The following DNASE1 variants were observed in gnomAD, a reference collection of about 807,000 sequenced individuals.
DNASE1 encodes deoxyribonuclease-1.
In DNASE1, 40 loss-of-function variants were observed where a neutral mutation model predicts 33.9. That is an observed-to-expected ratio of 1.18 (90% CI 0.92 to 1.54). DNASE1 has a LOEUF of 1.54. Among genes scored for constraint, DNASE1 ranks in the 40% most tolerant of loss-of-function variants. The pLI is 0.00. For missense variants in DNASE1, 518 were observed against 372.6 expected, an observed-to-expected ratio of 1.39 and a Z score of -3.21; for synonymous variants, 216 against 160.0, an observed-to-expected ratio of 1.35 and a Z score of -2.64.
intron 1 of DNASE1, among the ~76,000 whole-genome samples, chr16:3,644,429 G>A (rs1038138020): frequency 6.6e-6 from 1 of 152,082 alleles, no homozygotes; most frequent in African/African-American, 2.4e-5. Context: ...CAGGTGTGGT[G>A]GCGGGTACCT....
At chr16:3,662,144 G>C, downstream of DNASE1, 1 of 1,608,204 alleles carries the variant, frequency 6.2e-7, no homozygotes, top group Middle Eastern at 1.7e-4. Flanking sequence ...TGTGAGCAAA[G>C]CCCGGGGTTG....
At chr16:3,622,003 T>G (rs751312768) in intron 1 of DNASE1, among the ~76,000 whole-genome samples, 6 of 152,098 alleles carry the variant, frequency 3.9e-5, no homozygotes, top group Admixed American at 6.6e-5. Flanking sequence ...GGTGGATCAC[T>G]TGAGGTCAGG....
rs1372733707 is a variant in DNASE1 at position 3,655,538 on chromosome 16, T to TCC, written c.147+23_147+24dup. 17 of 1,613,476 alleles carry TCC rather than the reference T, an allele frequency of 1.1e-5. No individual in the cohort carries two copies. The highest frequency in any genetic ancestry group is 1.4e-5 in the Non-Finnish European group (17 of 1,179,962). The stretch of plus-strand genomic sequence containing the variant: ...TTGTGCAGGTGAGGCCAGGGCAGCC[T>TCC]CCCCCCAAAAGCAGAGGAGCTCTGG... On this transcript the variant is annotated intron_variant, in intron 2 of 8. Transcript: ENST00000246949.
intron 1 of DNASE1, among the ~76,000 whole-genome samples, chr16:3,637,051 G>T (rs1352754126): frequency 1.3e-5 from 2 of 152,044 alleles, no homozygotes; most frequent in South Asian, 2.1e-4. Flanking sequence ...TTGAACCCAG[G>T]AGGCAGAGGT....
chr16:3,630,071 G>A (rs1450005890), intron 1 of DNASE1, among the ~76,000 whole-genome samples: 7 of 151,786 alleles, frequency 4.6e-5, no homozygotes, highest in Admixed American at 2.6e-4. Context: ...TGCCCACCTC[G>A]GCCTCCCAAA....
intron 1 of DNASE1, among the ~76,000 whole-genome samples, chr16:3,618,949 C>T (rs1489668478): frequency 6.6e-6 from 1 of 152,058 alleles, no homozygotes; most frequent in Non-Finnish European, 1.5e-5. Context: ...CTCAGACTGC[C>T]AGGGATCAAG....
downstream of DNASE1, chr16:3,660,266 G>C (rs2042994769): frequency 6.6e-6 from 1 of 152,186 alleles, no homozygotes; most frequent in African/African-American, 2.4e-5. Flanking sequence ...TGGGGACACA[G>C]GTAGGAGGAA....
At chr16:3,617,810 G>T (rs1057356584) in intron 1 of DNASE1, among the ~76,000 whole-genome samples, 3 of 152,036 alleles carry the variant, frequency 2.0e-5, no homozygotes, top group Non-Finnish European at 4.4e-5. Flanking sequence ...AAGAAAAGAG[G>T]CCCAAGAGAG....
chr16:3,656,940 C>T lies in DNASE1; in HGVS notation c.437-59C>T. 1.9e-6 allele frequency: 3 copies of T among 1,590,436 alleles called. No individual in the cohort carries two copies. In the African/African-American group the frequency reaches 4.0e-5, roughly 21 times the overall value. ...TGTCATGATACATAGTTCCAGCTGA[C>T]ATGGTGACTGAACCTGCCCCCAGGG... is the stretch of plus-strand genomic sequence containing the variant. On this transcript the variant is annotated intron_variant, in intron 5 of 8. Transcript: ENST00000246949.
intron 2 of DNASE1, 30 bp downstream of exon 2, chr16:3,655,550 C>T (rs778247219): frequency 6.2e-7 from 1 of 1,613,692 alleles, no homozygotes; most frequent in Non-Finnish European, 8.5e-7. Flanking sequence ...CCCCCAAAAG[C>T]AGAGGAGCTC....
At chr16:3,623,765 T>C (rs1261808720) in intron 1 of DNASE1, among the ~76,000 whole-genome samples, 1 of 151,912 alleles carries the variant, frequency 6.6e-6, no homozygotes, top group Admixed American at 6.6e-5. Context: ...GAACACATAC[T>C]TCTCAAGTGA....
intron 1 of DNASE1, among the ~76,000 whole-genome samples, chr16:3,647,209 C>T (rs751263543): frequency 3.3e-5 from 5 of 150,070 alleles, no homozygotes; most frequent in Non-Finnish European, 7.4e-5. Context: ...TCACATCTGG[C>T]AGTATTGCTT....
intron 1 of DNASE1, among the ~76,000 whole-genome samples, chr16:3,634,132 A>G (rs115566636): frequency 1.3e-4 from 20 of 151,884 alleles, no homozygotes; most frequent in African/African-American, 4.3e-4. Context: ...ATTGACAGCA[A>G]TATCATAAGG....
At position 3,655,908 on chromosome 16, in the gene DNASE1, C is replaced by T. The variant is rs139896401; in HGVS notation, c.207C>T (p.Ala69=). 358 of 1,614,010 alleles carry T rather than the reference C, an allele frequency of 2.2e-4. 4 individuals are homozygous for T. In the South Asian group the frequency reaches 2.4e-3, roughly 11 times the overall value. Residue 69 remains alanine (A), a synonymous_variant, in exon 3 of 9, where the codon GCC becomes GCT. Coordinates refer to ENST00000246949, the MANE Select transcript of DNASE1 (RefSeq NM_005223.4). ...AGGTCAGAGACAGCCACCTGACTGCCGTGGGGAAGCTGCTGGACAACCTCA... is the reference window on the plus strand; with the variant it reads ...AGGTCAGAGACAGCCACCTGACTGCTGTGGGGAAGCTGCTGGACAACCTCA... The part of the protein sequence containing the change: ...VQEVRDSHLT[A]VGKLLDNLNQ...
exon 10 of DNASE1, chr16:3,663,658 CG>C: frequency 6.6e-7 from 1 of 1,520,986 alleles, no homozygotes; most frequent in Non-Finnish European, 8.9e-7. Context: ...GGGAGCCAAG[CG>C]GGCCACACTG....
At chr16:3,612,457 C>T (rs2040918508) in intron 1 of DNASE1, among the ~76,000 whole-genome samples, 1 of 151,724 alleles carries the variant, frequency 6.6e-6, no homozygotes, top group Non-Finnish European at 1.5e-5. Context: ...CACTCTGTTG[C>T]CCAGGCTGGT....
At chr16:3,653,455 C>G (rs1384182434), upstream of DNASE1, 1 of 152,116 alleles carries the variant, frequency 6.6e-6, no homozygotes, top group Non-Finnish European at 1.5e-5. Flanking sequence ...CACTTGTAAT[C>G]CCAGCATTTG....
At chr16:3,658,300 A>G (rs2042841808), downstream of DNASE1, 2 of 1,251,820 alleles carry the variant, frequency 1.6e-6, no homozygotes, top group Non-Finnish European at 1.1e-6. Context: ...TTTTTGAGAC[A>G]GAGTCTCACT....
chr16:3,660,836 A>ATTGT (rs1345151189), downstream of DNASE1: 3 of 152,204 alleles, frequency 2.0e-5, no homozygotes, highest in African/African-American at 4.8e-5. Context: ...AGGCAGGTGG[A>ATTGT]TTGTTTGAGG....
Sources: allele counts gnomAD v4.1 joint callset (sites outside exome capture counted in the v4.1 genomes callset), GRCh38; gene constraint gnomAD v4.1.1; transcripts MANE v1.5; gene names NCBI Gene and HGNC (gene_info 2026-07-23, HGNC 2026-07-21).